The following PLCH1 variants were observed in gnomAD, a reference collection of about 807,000 sequenced individuals.
PLCH1 encodes phospholipase C eta 1, also known as 1-phosphatidylinositol 4,5-bisphosphate phosphodiesterase eta-1.
PLCH1 carries 60 observed loss-of-function variants against 126.7 expected under a neutral mutation model. The observed-to-expected ratio is 0.47, with a 90% CI of 0.38 to 0.59. PLCH1 has a LOEUF of 0.59. Ranked by LOEUF, PLCH1 falls within the 20% of genes least tolerant of loss-of-function variation. The pLI, the probability that PLCH1 is intolerant of heterozygous loss-of-function variation, is 0.00. For missense variants in PLCH1, 1,723 were observed against 2,040.0 expected, an observed-to-expected ratio of 0.84 and a Z score of 2.99; for synonymous variants, 719 against 734.9, an observed-to-expected ratio of 0.98 and a Z score of 0.35.
At chr3:155,677,057 C>A (rs1019989342) in intron 2 of PLCH1, among the ~76,000 whole-genome samples, 9 of 152,202 alleles carry the variant, frequency 5.9e-5, no homozygotes, top group African/African-American at 2.2e-4. Flanking sequence ...AGTAGTCTTG[C>A]ATTGAGGCAT....
At chr3:155,661,661 T>C (rs776597880) in intron 2 of PLCH1, among the ~76,000 whole-genome samples, 1 of 152,120 alleles carries the variant, frequency 6.6e-6, no homozygotes, top group Non-Finnish European at 1.5e-5. Flanking sequence ...GGAAAAAAAG[T>C]GTCTGGCAGG....
At chr3:155,691,367 C>T (rs746167742) in intron 2 of PLCH1, among the ~76,000 whole-genome samples, 4 of 152,178 alleles carry the variant, frequency 2.6e-5, no homozygotes, top group Admixed American at 6.5e-5. Context: ...CAATTCCTCC[C>T]GACAAGGTCT....
At chr3:155,684,001 C>T (rs142450847) in intron 2 of PLCH1, among the ~76,000 whole-genome samples, 3 of 152,178 alleles carry the variant, frequency 2.0e-5, no homozygotes, top group Non-Finnish European at 4.4e-5. Context: ...CACACTTGGA[C>T]GTACCTGATA....
chr3:155,606,719 T>C (rs1290702376), intron 2 of PLCH1, among the ~76,000 whole-genome samples: 6 of 152,300 alleles, frequency 3.9e-5, no homozygotes, highest in East Asian at 3.9e-4. Context: ...AGGCTGATAA[T>C]AGAGTCAGCT....
At chr3:155,511,370 C>A (rs1576868255) in intron 12 of PLCH1, among the ~76,000 whole-genome samples, 2 of 127,710 alleles carry the variant, frequency 1.6e-5, no homozygotes, top group Non-Finnish European at 3.1e-5. Flanking sequence ...AAATCATTCT[C>A]CATCCAGCTT....
chr3:155,530,219 A>G (rs555642729), intron 10 of PLCH1, among the ~76,000 whole-genome samples: 13 of 152,312 alleles, frequency 8.5e-5, no homozygotes, highest in African/African-American at 2.2e-4. Context: ...TGCTTTATCA[A>G]CTAAGGTTTT....
intron 1 of PLCH1, among the ~76,000 whole-genome samples, chr3:155,734,790 C>G (rs1041809944): frequency 1.2e-4 from 18 of 151,008 alleles, no homozygotes; most frequent in South Asian, 8.4e-4. Context: ...CTCACTGCAA[C>G]CTCCGCCTCC....
At chr3:155,559,122 T>C (rs1021248524) in intron 8 of PLCH1, among the ~76,000 whole-genome samples, 1 of 152,148 alleles carries the variant, frequency 6.6e-6, no homozygotes, top group Non-Finnish European at 1.5e-5. Context: ...TGCTTGCTCC[T>C]CCAAAAACAC....
intron 10 of PLCH1, among the ~76,000 whole-genome samples, chr3:155,542,126 C>T (rs1310868523): frequency 6.6e-6 from 1 of 152,192 alleles, no homozygotes; most frequent in African/African-American, 2.4e-5. Context: ...AGTTCCCTTT[C>T]CCAGTCAAAG....
chr3:155,617,675 T>C lies in PLCH1; in HGVS notation c.80-21297A>G, dbSNP rs1735961296. 2.0e-5 allele frequency among the ~76,000 whole-genome samples: 3 copies of C among 152,130 alleles called. No homozygotes were observed. The South Asian group carries it at 6.2e-4, about 32-fold the overall frequency. ...AAGAATCTGTTTTATAGGAGCACAGTTGGAGACGCTGGTTACTTTACCAAG... is the reference window on the plus strand; with the variant it reads ...AAGAATCTGTTTTATAGGAGCACAGCTGGAGACGCTGGTTACTTTACCAAG... On this transcript the variant is annotated intron_variant, in intron 2 of 22. Coordinates refer to ENST00000460012, the MANE Select transcript of PLCH1 (RefSeq NM_014996.4).
chr3:155,531,450 C>A (rs964606067), intron 10 of PLCH1, among the ~76,000 whole-genome samples: 1 of 152,154 alleles, frequency 6.6e-6, no homozygotes, highest in Non-Finnish European at 1.5e-5. Flanking sequence ...CATGATGAAA[C>A]CCCATGTCTA....
chr3:155,494,301 A>C (rs779172516), intron 16 of PLCH1, 37 bp downstream of exon 16: 13 of 1,612,076 alleles, frequency 8.1e-6, no homozygotes, highest in South Asian at 1.1e-5. Context: ...CATAGTGAGA[A>C]TATACAGAGA....
At chr3:155,488,632 T>G in intron 20 of PLCH1, 28 bp downstream of exon 20, 1 of 1,588,092 alleles carries the variant, frequency 6.3e-7, no homozygotes, top group Non-Finnish European at 8.6e-7. Flanking sequence ...ATGGTCAGTC[T>G]AGAGAGAAAA....
At chr3:155,537,948 T>G (rs976325016) in intron 10 of PLCH1, among the ~76,000 whole-genome samples, 6 of 152,108 alleles carry the variant, frequency 3.9e-5, no homozygotes, top group Admixed American at 3.9e-4. Context: ...GAATATATAT[T>G]CTATTAATTA....
At chr3:155,554,735 C>T (rs1298095559) in intron 8 of PLCH1, among the ~76,000 whole-genome samples, 1 of 152,140 alleles carries the variant, frequency 6.6e-6, no homozygotes, top group African/African-American at 2.4e-5. Flanking sequence ...AATCCTCGAG[C>T]GCTGCCAAGA....
At chr3:155,457,107 G>A (rs1234825307) in intron 21 of PLCH1, 5 of 152,270 alleles carry the variant, frequency 3.3e-5, no homozygotes, top group African/African-American at 9.7e-5. Flanking sequence ...GCGTTGCCCC[G>A]GACACTGTGG....
intron 12 of PLCH1, among the ~76,000 whole-genome samples, chr3:155,512,737 T>C (rs181666161): frequency 1.3e-5 from 2 of 152,160 alleles, no homozygotes; most frequent in Non-Finnish European, 2.9e-5. Context: ...GGAAGGATCT[T>C]ATGGGCTATT....
downstream of PLCH1, among the ~76,000 whole-genome samples, chr3:155,479,357 A>G (rs1429349218): frequency 3.9e-5 from 6 of 152,154 alleles, no homozygotes; most frequent in African/African-American, 1.4e-4. Context: ...ATCATTACAC[A>G]TCAGCCCCCA....
intron 7 of PLCH1, 147 bp downstream of exon 7, chr3:155,568,082 AAT>A: frequency 5.6e-6 from 3 of 531,612 alleles, no homozygotes; most frequent in Non-Finnish European, 1.0e-5. Flanking sequence ...TTTGCAGGAA[AAT>A]ATATGTGTGT....
Sources: allele counts gnomAD v4.1 joint callset (sites outside exome capture counted in the v4.1 genomes callset), GRCh38; gene constraint gnomAD v4.1.1; transcripts MANE v1.5; gene names NCBI Gene and HGNC (gene_info 2026-07-23, HGNC 2026-07-21).